Variants in TMOD1 observed in about 807,000 individuals in gnomAD.
TMOD1 encodes tropomodulin 1, also known as tropomodulin-1.
Under a neutral mutation model 40.6 loss-of-function variants are expected in TMOD1, and 17 were observed. The ratio of observed to expected loss-of-function variants is 0.42; its 90% CI spans 0.29 to 0.63. The LOEUF is 0.63. Ranked by LOEUF, TMOD1 falls within the 20% of genes least tolerant of loss-of-function variation. The probability of loss-of-function intolerance (pLI) is 0.22; values close to 1 mark genes in which losing one functional copy is unlikely to be tolerated. For synonymous variants in TMOD1, 181 were observed against 175.0 expected, an observed-to-expected ratio of 1.03 and a Z score of -0.27; for missense variants, 391 against 447.6, an observed-to-expected ratio of 0.87 and a Z score of 1.14.
chr9:97,533,518 GTGCACAACC>G (rs1214080435), intron 2 of TMOD1, among the ~76,000 whole-genome samples: 1 of 152,206 alleles, frequency 6.6e-6, no homozygotes, highest in African/African-American at 2.4e-5. Context: ...GCTTAGTGCA[GTGCACAACC>G]TGCACAACCA....
chr9:97,524,613 C>T (rs1362846222), intron 2 of TMOD1, among the ~76,000 whole-genome samples: 2 of 151,658 alleles, frequency 1.3e-5, no homozygotes, highest in Non-Finnish European at 2.9e-5. Flanking sequence ...CCAGCAAGAT[C>T]TGCAGTTGCT....
At chr9:97,515,393 C>T (rs2131213596) in intron 1 of TMOD1, among the ~76,000 whole-genome samples, 1 of 152,248 alleles carries the variant, frequency 6.6e-6, no homozygotes, top group African/African-American at 2.4e-5. Flanking sequence ...AATCCTCCCA[C>T]CTCAGCCTCC....
intron 8 of TMOD1, among the ~76,000 whole-genome samples, chr9:97,589,279 A>AT (rs563136711): frequency 0.011 from 1,198 of 109,464 alleles, 25 homozygotes; most frequent in South Asian, 0.022. Context: ...AAACTCACTA[A>AT]TTTTTTTTTT....
In TMOD1 at chr9:97,502,705, G is replaced by A. The variant is rs1420984758; in HGVS notation, c.-49+902G>A. 6.6e-6 allele frequency among the ~76,000 whole-genome samples: 1 copy of A among 152,204 alleles called. No individual in the cohort carries two copies. The highest frequency in any genetic ancestry group is 1.5e-5 in the Non-Finnish European group (1 of 68,042). ...ACTGCCCCAGACTCGATCGTATCCT[G>A]GGACTCACTAAGGCCGTCGGATATC... is the stretch of plus-strand genomic sequence containing the variant. On this transcript the variant is annotated intron_variant, in intron 1 of 9. Transcript: ENST00000259365. The surrounding 1 kb of genome is among the most constrained non-coding windows in gnomAD (Gnocchi z 6.1).
At chr9:97,563,245 A>G (rs1305222595) in intron 5 of TMOD1, among the ~76,000 whole-genome samples, 1 of 152,048 alleles carries the variant, frequency 6.6e-6, no homozygotes, top group Non-Finnish European at 1.5e-5. Flanking sequence ...TATGGAGATG[A>G]GGTCACACCA....
At chr9:97,527,540 G>A (rs766624125) in intron 2 of TMOD1, among the ~76,000 whole-genome samples, 50 of 152,324 alleles carry the variant, frequency 3.3e-4, no homozygotes, top group African/African-American at 9.4e-4. Context: ...GAGAAAGGCC[G>A]CAAGGAGAGT....
intron 7 of TMOD1, among the ~76,000 whole-genome samples, chr9:97,566,624 T>C (rs150232673): frequency 6.6e-6 from 1 of 152,030 alleles, no homozygotes; most frequent in African/African-American, 2.4e-5. Context: ...TGAGCCGAGA[T>C]TGCACCACTA....
chr9:97,586,844 A>G (rs909092557), intron 8 of TMOD1, among the ~76,000 whole-genome samples: 4 of 152,190 alleles, frequency 2.6e-5, no homozygotes, highest in African/African-American at 4.8e-5. Flanking sequence ...AGGTGAGGCA[A>G]TGCCTCGCCC....
Position 97,600,813 on chromosome 9 carries a change from CT to C in TMOD1, c.*1120del. Reference sequence around the variant, plus strand: ...TAGTATTAGTACTGCTGCCAGATCTCTTTTTAACATCATGTGCGTCTCTTGG... The same window carrying C: ...TAGTATTAGTACTGCTGCCAGATCTCTTTTAACATCATGTGCGTCTCTTGG... On this transcript the variant is annotated 3_prime_UTR_variant, in exon 10 of 10. Coordinates refer to ENST00000259365, the MANE Select transcript of TMOD1 (RefSeq NM_003275.4). 9.2e-7 allele frequency: 1 copy of C among 1,084,736 alleles called. No homozygotes were observed. 67.2% of individuals were successfully genotyped at this position (1,084,736 alleles called of 1,614,324 possible).
rs199522919 is a variant in TMOD1 at position 97,508,056 on chromosome 9, T to TTC, written c.-49+6254_-49+6255dup. Among the ~76,000 whole-genome samples the TTC allele has an allele frequency of 6.4e-4, 62 of 96,124 alleles. No homozygotes were observed. In the East Asian group the frequency reaches 7.6e-3, roughly 12 times the overall value. The allele number at this position is 96,124 out of a possible 152,430, so 63.1% of individuals were successfully genotyped here. Reference sequence around the variant, plus strand: ...AATGAAACACAATCTATCTTCCTGATTCACACACACACACACACACACACA... The same window carrying TTC: ...AATGAAACACAATCTATCTTCCTGATTCTCACACACACACACACACACACACA... On this transcript the variant is annotated intron_variant, in intron 1 of 9. Transcript: ENST00000259365.
chr9:97,536,891 A>C (rs1830193483), intron 2 of TMOD1, among the ~76,000 whole-genome samples: 1 of 152,186 alleles, frequency 6.6e-6, no homozygotes. Context: ...TAGCTGATGT[A>C]TTTGGGAAAA....
intron 4 of TMOD1, among the ~76,000 whole-genome samples, chr9:97,559,772 TAAAAAAAAA>T (rs58522887): frequency 0.081 from 2,938 of 36,396 alleles, 81 homozygotes; most frequent in Non-Finnish European, 0.1. Flanking sequence ...CTCAAAAATT[TAAAAAAAAA>T]AAAAAAAAAA....
chr9:97,544,105 C>T (rs563722440), intron 2 of TMOD1, among the ~76,000 whole-genome samples: 28 of 152,270 alleles, frequency 1.8e-4, no homozygotes, highest in African/African-American at 6.3e-4. Flanking sequence ...TCTGTCTGTC[C>T]GGGCTCTGTG....
intron 8 of TMOD1, among the ~76,000 whole-genome samples, chr9:97,588,801 C>CT (rs1297211466): frequency 2.0e-5 from 3 of 152,046 alleles, no homozygotes; most frequent in African/African-American, 7.2e-5. Flanking sequence ...AGAAATAAAT[C>CT]TAACAAAAGA....
chr9:97,587,253 T>C (rs1825899245), intron 8 of TMOD1, among the ~76,000 whole-genome samples: 1 of 152,240 alleles, frequency 6.6e-6, no homozygotes, highest in Non-Finnish European at 1.5e-5. Context: ...TGTTTTAATT[T>C]CTCTGGGATA....
At chr9:97,552,499 T>C (rs1030156385) in intron 3 of TMOD1, among the ~76,000 whole-genome samples, 58 of 152,234 alleles carry the variant, frequency 3.8e-4, no homozygotes, top group African/African-American at 1.4e-3. Flanking sequence ...AGGATTTTAC[T>C]CACTGCTGTC....
intron 8 of TMOD1, among the ~76,000 whole-genome samples, chr9:97,591,065 G>T (rs981144074): frequency 2.0e-5 from 3 of 152,150 alleles, no homozygotes; most frequent in Non-Finnish European, 4.4e-5. Context: ...GCAGTGAAAA[G>T]ATCTGTTCTT....
intron 6 of TMOD1, among the ~76,000 whole-genome samples, chr9:97,564,406 C>A (rs535332941): frequency 6.6e-6 from 1 of 152,162 alleles, no homozygotes; most frequent in Non-Finnish European, 1.5e-5. Context: ...TGATATCAGG[C>A]CCAGATGTTT....
chr9:97,523,233 T>G (rs1484271324), intron 1 of TMOD1, among the ~76,000 whole-genome samples: 1 of 152,134 alleles, frequency 6.6e-6, no homozygotes, highest in Non-Finnish European at 1.5e-5. Flanking sequence ...ACACACAGGG[T>G]CCAAATGCGT....
Sources: allele counts gnomAD v4.1 joint callset (sites outside exome capture counted in the v4.1 genomes callset), GRCh38; gene constraint gnomAD v4.1.1; non-coding constraint Gnocchi (gnomAD v3.1); transcripts MANE v1.5; gene names NCBI Gene and HGNC (gene_info 2026-07-23, HGNC 2026-07-21).